Variants in MLX observed in about 807,000 individuals in gnomAD.
MLX encodes MAX dimerization protein MLX, also known as max-like protein X.
In MLX, 15 loss-of-function variants were observed where a neutral mutation model predicts 33.0. That is an observed-to-expected ratio of 0.45 (90% CI 0.30 to 0.70). The LOEUF (loss-of-function observed/expected upper bound fraction) is 0.70. MLX is among the 30% of genes least tolerant of loss of function. The pLI is 0.07. For missense variants in MLX, 285 were observed against 306.3 expected, an observed-to-expected ratio of 0.93 and a Z score of 0.52; for synonymous variants, 115 against 115.6, an observed-to-expected ratio of 0.99 and a Z score of 0.03.
chr17:42,567,938 G>A (rs963399155), intron 2 of MLX: 26 of 536,858 alleles, frequency 4.8e-5, no homozygotes, highest in African/African-American at 1.3e-4. Flanking sequence ...TTGTGAGCCA[G>A]GGGGGTATCA....
intron 6 of MLX, 38 bp from the exon 7 acceptor site, chr17:42,569,944 C>G: frequency 6.4e-7 from 1 of 1,572,004 alleles, no homozygotes; most frequent in Non-Finnish European, 8.7e-7. Flanking sequence ...GTGGGCGGAG[C>G]TGCTGCAGCA....
At position 42,572,646 on chromosome 17, in the gene MLX, T is replaced by C; in HGVS notation, c.*1043T>C. On this transcript the variant is annotated 3_prime_UTR_variant, in exon 8 of 8. Coordinates refer to ENST00000435881, the MANE Select transcript of MLX (RefSeq NM_198204.2). Reference sequence around the variant, plus strand: ...GTTTGATATCTGGCAGGTTTGACTATCCAGAGGAAATTAAATATTTTTATA... The same window carrying C: ...GTTTGATATCTGGCAGGTTTGACTACCCAGAGGAAATTAAATATTTTTATA... The C allele has an allele frequency of 2.4e-6, 1 of 412,990 alleles. No individual in the cohort carries two copies. Among genetic ancestry groups the C allele is most frequent in the South Asian group, 1.9e-5 (1 of 53,834 alleles). 25.6% of individuals were successfully genotyped at this position (412,990 alleles called of 1,614,324 possible).
At position 42,571,858 on chromosome 17, in the gene MLX, G is replaced by A. The variant is rs2093034676; in HGVS notation, c.*255G>A. On this transcript the variant is annotated 3_prime_UTR_variant, in exon 8 of 8. Transcript: ENST00000435881. ...CCAGCCTTCCCCCCACTCCATGGAA[G>A]TCCTTGGGATGGGCGTCTGCTCTGG... is the stretch of plus-strand genomic sequence containing the variant. 1 of 515,402 alleles carries A rather than the reference G, an allele frequency of 1.9e-6. No homozygotes were observed. The highest frequency in any genetic ancestry group is 3.5e-6 in the Non-Finnish European group (1 of 284,988). The allele number at this position is 515,402 out of a possible 1,614,324, so 31.9% of individuals were successfully genotyped here. A position where few individuals can be genotyped will look rare whatever the true frequency, so the allele number is the denominator to read the frequency against.
rs1162299573 is a variant in MLX, at chr17:42,572,482, C to T, written c.*879C>T. On this transcript the variant is annotated 3_prime_UTR_variant, in exon 8 of 8. Transcript: ENST00000435881. Reference sequence around the variant, plus strand: ...CAGGACTTGGGGGTGGGGTGAAAAGCGTACAAAAGATACTTAAAAGGGCTC... The same window carrying T: ...CAGGACTTGGGGGTGGGGTGAAAAGTGTACAAAAGATACTTAAAAGGGCTC... The T allele has an allele frequency of 1.3e-5, 6 of 454,312 alleles. No individual in the cohort carries two copies. The highest frequency in any genetic ancestry group is 6.0e-5 in the African/African-American group (3 of 49,912). 28.1% of individuals were successfully genotyped at this position (454,312 alleles called of 1,614,324 possible). A position where few individuals can be genotyped will look rare whatever the true frequency, so the allele number is the denominator to read the frequency against.
At chr17:42,571,247 C>T (rs1195476201) in intron 7 of MLX, among the ~76,000 whole-genome samples, 2 of 151,352 alleles carry the variant, frequency 1.3e-5, no homozygotes, top group African/African-American at 4.9e-5. Context: ...AGGCGATTCT[C>T]ATACCTCAGC....
rs767721909 is a variant in MLX at position 42,567,224 on chromosome 17, A to AG, written c.42+64dup. On this transcript the variant is annotated intron_variant, in intron 1 of 7. Transcript: ENST00000435881. ...GAGGGCGGGTCGGGCTCGTGCACGT[A>AG]GGGGGGCCGGAAGACGAGGGGCTTC... The AG allele has an allele frequency of 6.9e-6, 9 of 1,310,280 alleles. No individual in the cohort carries two copies. In the African/African-American group the frequency reaches 7.6e-5, roughly 11 times the overall value. The allele number at this position is 1,310,280 out of a possible 1,614,324, so 81.2% of individuals were successfully genotyped here.
At chr17:42,570,369 T>A (rs1342797241) in intron 7 of MLX, among the ~76,000 whole-genome samples, 186 bp downstream of exon 7, 1 of 152,198 alleles carries the variant, frequency 6.6e-6, no homozygotes, top group African/African-American at 2.4e-5. Context: ...TGTTACGGTT[T>A]CATTCGGCAA....
At position 42,571,429 on chromosome 17, in the gene MLX, C is replaced by T. The variant is rs370842618; in HGVS notation, c.679-118C>T. Reference sequence around the variant, plus strand: ...GGCGTGAGCCACCACACCTGGCCCCCGGGGGGCTATTTTTAAAGCACTTTT... The same window carrying T: ...GGCGTGAGCCACCACACCTGGCCCCTGGGGGGCTATTTTTAAAGCACTTTT... On this transcript the variant is annotated intron_variant, in intron 7 of 7. Coordinates refer to ENST00000435881, the MANE Select transcript of MLX (RefSeq NM_198204.2). 2.5e-5 allele frequency: 28 copies of T among 1,129,448 alleles called. No individual in the cohort carries two copies. The East Asian group carries it at 2.6e-4, about 11-fold the overall frequency. The allele number at this position is 1,129,448 out of a possible 1,614,324, so 70.0% of individuals were successfully genotyped here.
At position 42,570,006 on chromosome 17, in the gene MLX, A is replaced by C. The variant is rs779699212; in HGVS notation, c.501A>C (p.Ala167=). Residue 167 remains alanine, a synonymous_variant, in exon 7 of 8, where the codon GCA becomes GCC. Transcript: ENST00000435881. ...GGAACTATGAGCAGATTGTGAAGGC[A>C]CACCAGGACAACCCCCATGAAGGGG... is the stretch of plus-strand genomic sequence containing the variant. ...MKVNYEQIVK[A]HQDNPHEGED... is the part of the protein sequence containing the mutation. 5.0e-6 allele frequency: 8 copies of C among 1,614,038 alleles called. No individual in the cohort carries two copies. Among genetic ancestry groups the C allele is most frequent in the Non-Finnish European group, 6.8e-6 (8 of 1,180,024 alleles).
At chr17:42,570,384 G>A (rs1597719436) in intron 7 of MLX, among the ~76,000 whole-genome samples, 1 of 152,148 alleles carries the variant, frequency 6.6e-6, no homozygotes, top group East Asian at 1.9e-4. Context: ...CGGCAAGTGT[G>A]ACGTGAGCTC....
chr17:42,569,071 C>G, intron 4 of MLX, 128 bp downstream of exon 4: 1 of 1,265,710 alleles, frequency 7.9e-7, no homozygotes, highest in Non-Finnish European at 1.1e-6. Context: ...GTCCCAGGCA[C>G]AAACACCTCC....
chr17:42,572,973 G>C lies in MLX; in HGVS notation c.*1370G>C, dbSNP rs762309047. 2 of 1,614,124 alleles carry C rather than the reference G, an allele frequency of 1.2e-6. No individual in the cohort carries two copies. Among genetic ancestry groups the C allele is most frequent in the Admixed American group, 1.7e-5 (1 of 60,022 alleles). The stretch of plus-strand genomic sequence containing the variant: ...CAGTCCTGACCGTGGGCCCCTCAGG[G>C]GTCTGGGAGTGTGACGTTGTAATCT... On this transcript the variant is annotated 3_prime_UTR_variant, in exon 8 of 8. Transcript: ENST00000435881.
chr17:42,570,157 T>A lies in MLX; in HGVS notation c.652T>A (p.Trp218Arg). The A allele has an allele frequency of 6.2e-7, 1 of 1,613,966 alleles. No individual in the cohort carries two copies. The highest frequency in any genetic ancestry group is 8.5e-7 in the Non-Finnish European group (1 of 1,180,034). The change falls in exon 7 of 8, where the codon TGG becomes AGG. Residue 218 changes from tryptophan to arginine, a missense_variant. Physicochemically the swap from Trp to Arg is moderately radical, Grantham distance 101 (BLOSUM62 -3). Coordinates refer to ENST00000435881, the MANE Select transcript of MLX (RefSeq NM_198204.2). ...FQELSACVFS[W>R]IEEHCKPQTL... ...GGAGCTGTCAGCGTGTGTCTTCAGC[T>A]GGATCGAGGAGCACTGTAAGCCTCA...
chr17:42,571,710 C>A lies in MLX; in HGVS notation c.*107C>A. 3 of 1,045,490 alleles carry A rather than the reference C, an allele frequency of 2.9e-6. No homozygotes were observed. Among genetic ancestry groups the A allele is most frequent in the South Asian group, 1.3e-5 (1 of 77,924 alleles). The allele number at this position is 1,045,490 out of a possible 1,614,324, so 64.8% of individuals were successfully genotyped here. On this transcript the variant is annotated 3_prime_UTR_variant, in exon 8 of 8. Transcript: ENST00000435881. ...CTGGACTACAACACCTCACACTGGT[C>A]AGCTGGTTTCTACTTGGTGTTTGGT...
At chr17:42,569,686 TCAGTTACTGCTGTA>T in intron 6 of MLX, 80 bp downstream of exon 6, 1 of 1,078,586 alleles carries the variant, frequency 9.3e-7, no homozygotes, top group Non-Finnish European at 1.4e-6. Flanking sequence ...AAAGGCCACA[TCAGTTACTGCTGTA>T]CAGATAATAC....
Position 42,573,142 on chromosome 17 carries a change from G to A in MLX, c.*1539G>A. The A allele has an allele frequency of 6.2e-7, 1 of 1,614,246 alleles. No homozygotes were observed. Among genetic ancestry groups the A allele is most frequent in the African/African-American group, 1.3e-5 (1 of 75,058 alleles). On this transcript the variant is annotated 3_prime_UTR_variant, in exon 8 of 8. Coordinates refer to ENST00000435881, the MANE Select transcript of MLX (RefSeq NM_198204.2). ...TTCTTGCTCTTGGGGTATCCTTCAAGTATTGCATCAGACAGCTCTGTAGCC... is the reference window on the plus strand; with the variant it reads ...TTCTTGCTCTTGGGGTATCCTTCAAATATTGCATCAGACAGCTCTGTAGCC...
Position 42,569,613 on chromosome 17 carries a change from G to C in MLX, c.476+7G>C, listed in dbSNP as rs1454542385. On this transcript the variant is annotated splice_region_variant and intron_variant, in intron 6 of 7. Coordinates refer to ENST00000435881, the MANE Select transcript of MLX (RefSeq NM_198204.2). ...CCCTAAAGATCATGAAAGTGTAAGAGGGGTGCTGAATGGGGGGAACCAGAA... is the reference window on the plus strand; with the variant it reads ...CCCTAAAGATCATGAAAGTGTAAGACGGGTGCTGAATGGGGGGAACCAGAA... 2 of 1,610,898 alleles carry C rather than the reference G, an allele frequency of 1.2e-6. No individual in the cohort carries two copies. The highest frequency in any genetic ancestry group is 2.2e-5 in the East Asian group (1 of 44,876).
rs1442291601 is a variant in MLX at position 42,572,084 on chromosome 17, C to T, written c.*481C>T. The T allele has an allele frequency of 3.8e-6, 1 of 261,402 alleles. No individual in the cohort carries two copies. Among genetic ancestry groups the T allele is most frequent in the Non-Finnish European group, 7.6e-6 (1 of 132,200 alleles). The allele number at this position is 261,402 out of a possible 1,614,324, so 16.2% of individuals were successfully genotyped here. ...GAGAAAAAGAGTAAGAGGAAATATT[C>T]CCACAGCCATGAAGGGTGAAAGGGC... On this transcript the variant is annotated 3_prime_UTR_variant, in exon 8 of 8. Coordinates refer to ENST00000435881, the MANE Select transcript of MLX (RefSeq NM_198204.2).
chr17:42,569,297 CAA>C lies in MLX; in HGVS notation c.373_374del (p.Lys125AspfsTer3). 6.2e-7 allele frequency: 1 copy of C among 1,613,762 alleles called. No individual in the cohort carries two copies. Among genetic ancestry groups the C allele is most frequent in the Non-Finnish European group, 8.5e-7 (1 of 1,179,682 alleles). On this transcript the variant is annotated frameshift_variant, in exon 5 of 8. Transcript: ENST00000435881. LOFTEE classifies it high-confidence loss of function. ...SQKLSKAIVL[Q>X]KTIDYIQFLH... ...AAAGCTCAGCAAAGCCATCGTTCTA[CAA>C]AAGAGTATGGCTAGGGAAAGCACTG...
Sources: allele counts gnomAD v4.1 joint callset (sites outside exome capture counted in the v4.1 genomes callset), GRCh38; gene constraint gnomAD v4.1.1; transcripts MANE v1.5; gene names NCBI Gene and HGNC (gene_info 2026-07-23, HGNC 2026-07-21).